SMYD3: variants seen among roughly 807,000 people sequenced by gnomAD.
The protein encoded by SMYD3 is histone-lysine N-methyltransferase SMYD3.
SMYD3 carries 36 observed loss-of-function variants against 57.7 expected under a neutral mutation model. That is an observed-to-expected ratio of 0.62 (90% CI 0.48 to 0.82). The LOEUF (loss-of-function observed/expected upper bound fraction) is 0.82, where lower values mean the gene tolerates loss of function less well. Among genes scored for constraint, SMYD3 ranks in the 40% least tolerant of loss-of-function variants. SMYD3 has a pLI of 0.00. For missense variants in SMYD3, 515 were observed against 538.8 expected, an observed-to-expected ratio of 0.96 and a Z score of 0.44; for synonymous variants, 211 against 195.0, an observed-to-expected ratio of 1.08 and a Z score of -0.68.
chr1:246,398,765 C>T (rs1188067357), intron 1 of SMYD3, among the ~76,000 whole-genome samples: 2 of 152,040 alleles, frequency 1.3e-5, no homozygotes. Context: ...GAGGTATGCA[C>T]AATGGAGGAA....
At chr1:246,346,854 T>C (rs1393731648) in intron 2 of SMYD3, among the ~76,000 whole-genome samples, 1 of 152,170 alleles carries the variant, frequency 6.6e-6, no homozygotes, top group African/African-American at 2.4e-5. Flanking sequence ...CAGACTCAGA[T>C]ATGGCAAGGA....
At chr1:246,004,557 C>T (rs1414279716) in intron 5 of SMYD3, among the ~76,000 whole-genome samples, 1 of 152,214 alleles carries the variant, frequency 6.6e-6, no homozygotes, top group Non-Finnish European at 1.5e-5. Context: ...CTATGAAACA[C>T]GACTGTTCTG....
chr1:246,099,612 T>C (rs781640670), intron 5 of SMYD3, among the ~76,000 whole-genome samples: 1 of 152,142 alleles, frequency 6.6e-6, no homozygotes, highest in Non-Finnish European at 1.5e-5. Flanking sequence ...AATAATTTCA[T>C]CTGCAGCAAC....
chr1:245,803,684 A>T (rs2047988379), intron 10 of SMYD3, among the ~76,000 whole-genome samples: 1 of 152,226 alleles, frequency 6.6e-6, no homozygotes, highest in African/African-American at 2.4e-5. Flanking sequence ...ATTCTTAAGG[A>T]AAGGAAAATC....
At chr1:246,026,701 T>G (rs892179794) in intron 5 of SMYD3, among the ~76,000 whole-genome samples, 3 of 152,192 alleles carry the variant, frequency 2.0e-5, no homozygotes, top group African/African-American at 7.2e-5. Context: ...CTTCACCAAC[T>G]TCATTCCTGT....
Position 246,355,067 on chromosome 1 carries a change from C to T in SMYD3, c.192G>A (p.Gln64=). ...CACTACAGTATTTGGCGACGCGGCA[C>T]TGAGAGCATCGCATCAGCTTTTCCT... ...LGKEKLMRCS[Q]CRVAKYCSAK... The change falls in exon 2 of 12, where the codon CAG becomes CAA. Residue 64 remains glutamine, a synonymous_variant. Transcript: ENST00000490107. The surrounding 1 kb of genome is among the most constrained non-coding windows in gnomAD (Gnocchi z 5.0). The T allele has an allele frequency of 6.2e-7, 1 of 1,614,158 alleles. No homozygotes were observed. The highest frequency in any genetic ancestry group is 8.5e-7 in the Non-Finnish European group (1 of 1,180,020).
At chr1:245,916,754 C>A (rs984386468) in intron 7 of SMYD3, among the ~76,000 whole-genome samples, 2 of 152,172 alleles carry the variant, frequency 1.3e-5, no homozygotes, top group Admixed American at 1.3e-4. Flanking sequence ...AGGCCCCCTG[C>A]ACTCCACCCT....
intron 8 of SMYD3, among the ~76,000 whole-genome samples, chr1:245,866,659 G>A (rs1050563890): frequency 6.6e-6 from 1 of 152,176 alleles, no homozygotes; most frequent in African/African-American, 2.4e-5. Flanking sequence ...TTGAACGTGG[G>A]AGGCAGAGGT....
chr1:246,495,000 G>T (rs1483914070), intron 1 of SMYD3, among the ~76,000 whole-genome samples: 1 of 152,186 alleles, frequency 6.6e-6, no homozygotes, highest in Non-Finnish European at 1.5e-5. Context: ...AGATGGAAAA[G>T]AAAGATAGGA....
intron 3 of SMYD3, among the ~76,000 whole-genome samples, chr1:246,333,638 C>T (rs2065496019): frequency 6.6e-6 from 1 of 152,052 alleles, no homozygotes. Flanking sequence ...CTTGGGGAGG[C>T]CTAGGTGGGA....
At chr1:246,033,068 T>C (rs1052636685) in intron 5 of SMYD3, among the ~76,000 whole-genome samples, 2 of 152,088 alleles carry the variant, frequency 1.3e-5, no homozygotes, top group African/African-American at 2.4e-5. Context: ...CCCAAAGACA[T>C]GAAAAACCAT....
chr1:246,152,921 A>G (rs1459740373), intron 5 of SMYD3, among the ~76,000 whole-genome samples: 2 of 152,226 alleles, frequency 1.3e-5, no homozygotes, highest in African/African-American at 4.8e-5. Flanking sequence ...TAAGCACTCA[A>G]TAAATGTTAG....
intron 5 of SMYD3, among the ~76,000 whole-genome samples, chr1:246,209,046 T>A (rs919632434): frequency 3.9e-5 from 6 of 152,176 alleles, no homozygotes; most frequent in African/African-American, 1.4e-4. Context: ...AATATAAATG[T>A]AATAAAAATG....
chr1:246,334,559 G>C (rs1572392952), intron 3 of SMYD3, among the ~76,000 whole-genome samples: 1 of 152,126 alleles, frequency 6.6e-6, no homozygotes, highest in Admixed American at 6.5e-5. Context: ...GGGAATACGA[G>C]GGGGAGGTAA....
In SMYD3 at chr1:246,307,559, A is replaced by G. The variant is rs1249128307; in HGVS notation, c.531+19642T>C. On this transcript the variant is annotated intron_variant, in intron 5 of 11. Transcript: ENST00000490107. ...CTCAGCCTCCCGAGTAGCTGGGACT[A>G]CAGGCGCCCGCCACCACGCCCGGCT... Among the ~76,000 whole-genome samples, 405 of 151,162 alleles carry G rather than the reference A, an allele frequency of 2.7e-3. 3 individuals are homozygous for G. The highest frequency in any genetic ancestry group is 8.9e-3 in the African/African-American group (366 of 41,340).
chr1:245,814,728 C>T (rs1219607379), intron 10 of SMYD3, among the ~76,000 whole-genome samples: 1 of 152,182 alleles, frequency 6.6e-6, no homozygotes, highest in African/African-American at 2.4e-5. Flanking sequence ...TTCTACTAGA[C>T]AGAATTTTGG....
intron 5 of SMYD3, among the ~76,000 whole-genome samples, chr1:246,059,083 A>G (rs10924475): frequency 0.25 from 38,099 of 151,924 alleles, 5,444 homozygotes; most frequent in East Asian, 0.39. Flanking sequence ...TCACCGTGTT[A>G]GCCAGGATGG....
At chr1:246,086,198 G>A (rs1310341611) in intron 5 of SMYD3, among the ~76,000 whole-genome samples, 1 of 151,904 alleles carries the variant, frequency 6.6e-6, no homozygotes, top group Non-Finnish European at 1.5e-5. Flanking sequence ...CTTTCTTAAA[G>A]GCCCCCTAGG....
At chr1:246,407,511 C>T (rs952025936) in intron 1 of SMYD3, among the ~76,000 whole-genome samples, 2 of 152,290 alleles carry the variant, frequency 1.3e-5, no homozygotes, top group South Asian at 4.1e-4. Flanking sequence ...GCTGCTATAA[C>T]AGAATACCAC....
Sources: gnomAD v4.1 joint callset for allele counts (sites outside exome capture counted in the v4.1 genomes callset) on GRCh38, gnomAD v4.1.1 for gene constraint, Gnocchi (gnomAD v3.1) non-coding constraint, MANE v1.5 for transcripts, NCBI Gene and HGNC (gene_info 2026-07-23, HGNC 2026-07-21) for gene names.